TLCD4: variants seen among roughly 807,000 people sequenced by gnomAD.
TLCD4 encodes the protein TLC domain containing 4, also known as TLC domain-containing protein 4.
A neutral mutation model predicts 24.2 loss-of-function variants in TLCD4; 7 were observed. The ratio of observed to expected loss-of-function variants is 0.29; its 90% CI spans 0.16 to 0.54. TLCD4 has a LOEUF of 0.54. TLCD4 is among the 20% of genes least tolerant of loss of function. The pLI is 0.95. For missense variants in TLCD4, 259 were observed against 313.9 expected (o/e 0.82, Z 1.32); for synonymous variants, 103 against 106.4 (o/e 0.97, Z 0.20).
chr1:95,191,134 GTTAAT>G (rs1327969650), intron 6 of TLCD4, among the ~76,000 whole-genome samples: 8 of 151,992 alleles, frequency 5.3e-5, no homozygotes, highest in Admixed American at 1.3e-4. Flanking sequence ...TCCATTTTGA[GTTAAT>G]TTTTGTGTAA....
chr1:95,125,821 G>A (rs1676717855), intron 1 of TLCD4, among the ~76,000 whole-genome samples: 1 of 152,128 alleles, frequency 6.6e-6, no homozygotes, highest in African/African-American at 2.4e-5. Context: ...GGCATGACTG[G>A]AGAAATATTA....
chr1:95,183,834 C>A (rs1043960161), intron 6 of TLCD4, among the ~76,000 whole-genome samples: 1 of 150,624 alleles, frequency 6.6e-6, no homozygotes. Context: ...AAGACTGTCT[C>A]AAAAAACAAC....
At chr1:95,100,725 G>C in the TLCD4 span, among the ~76,000 whole-genome samples, 1 of 152,076 alleles carries the variant, frequency 6.6e-6, no homozygotes, top group African/African-American at 2.4e-5. Flanking sequence ...TTAAAAACAG[G>C]TTGTAACATC....
chr1:95,099,166 G>A, the TLCD4 span, among the ~76,000 whole-genome samples: 1 of 150,758 alleles, frequency 6.6e-6, no homozygotes, highest in South Asian at 2.1e-4. Context: ...GGTGGCTCAC[G>A]CCTATAATTC....
intron 1 of TLCD4, among the ~76,000 whole-genome samples, chr1:95,128,717 C>A (rs1176149775): frequency 6.6e-6 from 1 of 152,140 alleles, no homozygotes; most frequent in Non-Finnish European, 1.5e-5. Flanking sequence ...GAAATTCCTA[C>A]AAGTAGAGAA....
At chr1:95,150,680 C>A (rs1677470884) in intron 4 of TLCD4, among the ~76,000 whole-genome samples, 1 of 151,832 alleles carries the variant, frequency 6.6e-6, no homozygotes, top group Admixed American at 6.6e-5. Flanking sequence ...AAGCTTTTTT[C>A]TTTGTTTTTC....
the TLCD4 span, among the ~76,000 whole-genome samples, chr1:95,097,909 A>G: frequency 6.6e-6 from 1 of 152,236 alleles, no homozygotes; most frequent in Non-Finnish European, 1.5e-5. Context: ...ATCAAGCAGC[A>G]TTAGTTTTAT....
intron 6 of TLCD4, among the ~76,000 whole-genome samples, chr1:95,178,781 G>T (rs1027075703): frequency 2.6e-5 from 4 of 152,048 alleles, no homozygotes; most frequent in South Asian, 2.1e-4. Context: ...TCTATGAAAA[G>T]AACATATTTA....
At chr1:95,158,668 C>A (rs1209668405) in intron 5 of TLCD4, among the ~76,000 whole-genome samples, 1 of 139,972 alleles carries the variant, frequency 7.1e-6, no homozygotes, top group Non-Finnish European at 1.5e-5. Context: ...CTCCCCCCAC[C>A]CCATGACAGG....
chr1:95,171,990 A>G (rs960388861), intron 5 of TLCD4, among the ~76,000 whole-genome samples: 1 of 152,172 alleles, frequency 6.6e-6, no homozygotes, highest in Non-Finnish European at 1.5e-5. Context: ...CACAGGGATA[A>G]TGCCACGTGG....
At chr1:95,147,316 C>T (rs1434034470) in intron 2 of TLCD4, among the ~76,000 whole-genome samples, 1 of 152,140 alleles carries the variant, frequency 6.6e-6, no homozygotes, top group Admixed American at 6.5e-5. Context: ...TCAGGTGACC[C>T]GCCCACCTTG....
chr1:95,154,040 T>C (rs1677563699), intron 5 of TLCD4, among the ~76,000 whole-genome samples: 1 of 152,168 alleles, frequency 6.6e-6, no homozygotes, highest in South Asian at 2.1e-4. Context: ...AAGATAGCTT[T>C]AGTCAGATAG....
the TLCD4 span, among the ~76,000 whole-genome samples, chr1:95,092,592 C>G: frequency 1.4e-4 from 21 of 152,220 alleles, no homozygotes; most frequent in African/African-American, 5.1e-4. Flanking sequence ...CTTTTATGAG[C>G]TGTAACACTC....
chr1:95,184,952 G>A (rs1390738397), intron 6 of TLCD4, among the ~76,000 whole-genome samples: 1 of 152,086 alleles, frequency 6.6e-6, no homozygotes, highest in Non-Finnish European at 1.5e-5. Context: ...TAAAGACCAG[G>A]CACTGGTTAG....
At chr1:95,119,362 G>A (rs547941381) in intron 1 of TLCD4, among the ~76,000 whole-genome samples, 1 of 152,304 alleles carries the variant, frequency 6.6e-6, no homozygotes, top group East Asian at 1.9e-4. Flanking sequence ...GAAGTCTTAT[G>A]AGCAGGGAGC....
chr1:95,151,398 G>T lies in TLCD4; in HGVS notation c.378G>T (p.Leu126=), dbSNP rs558853530. 1 of 1,613,226 alleles carries T rather than the reference G, an allele frequency of 6.2e-7. No homozygotes were observed. Among genetic ancestry groups the T allele is most frequent in the East Asian group, 2.2e-5 (1 of 44,850 alleles). Residue 126 remains leucine, a synonymous_variant, in exon 5 of 7, where the codon CTG becomes CTT. Transcript: ENST00000370203. ...TTATAATGCATCATTGTGCGTCCCTGTATGCATACTACCTTGTACTGGTGA... is the reference window on the plus strand; with the variant it reads ...TTATAATGCATCATTGTGCGTCCCTTTATGCATACTACCTTGTACTGGTGA... ...KFFIMHHCAS[L]YAYYLVLKNG... is the part of the protein sequence containing the mutation.
intron 5 of TLCD4, among the ~76,000 whole-genome samples, chr1:95,170,392 T>A (rs1678165950): frequency 6.7e-6 from 1 of 148,942 alleles, no homozygotes; most frequent in Non-Finnish European, 1.5e-5. Context: ...TGCAGTGGCG[T>A]GATTTCGGCT....
rs145910912 is a variant in TLCD4, at chr1:95,162,979, C to T, written c.400-10837C>T. On this transcript the variant is annotated intron_variant, in intron 5 of 6. Transcript: ENST00000370203. ...TTTGGTGAATCTGACAATTATGTGT[C>T]TTGGAGTTGCTCTTCTCGAGGAGTA... 1.9e-3 allele frequency among the ~76,000 whole-genome samples: 291 copies of T among 152,246 alleles called. 8 individuals are homozygous for T. The East Asian group carries it at 0.048, about 25-fold the overall frequency.
At chr1:95,097,980 T>C in the TLCD4 span, among the ~76,000 whole-genome samples, 8 of 152,162 alleles carry the variant, frequency 5.3e-5, no homozygotes, top group South Asian at 2.1e-4. Flanking sequence ...TTCCTTCAAA[T>C]AGATGGAAAC....
Sources: gnomAD v4.1 joint callset for allele counts (sites outside exome capture counted in the v4.1 genomes callset) on GRCh38, gnomAD v4.1.1 for gene constraint, MANE v1.5 for transcripts, NCBI Gene and HGNC (gene_info 2026-07-23, HGNC 2026-07-21) for gene names.